CLYBL: variants seen among roughly 807,000 people sequenced by gnomAD.
CLYBL encodes citramalyl-CoA lyase, mitochondrial.
Under a neutral mutation model 38.9 loss-of-function variants are expected in CLYBL, and 31 were observed. That is an observed-to-expected ratio of 0.80 (90% CI 0.60 to 1.08). The LOEUF (loss-of-function observed/expected upper bound fraction) is 1.08. Among genes scored for constraint, CLYBL ranks in the 50% least tolerant of loss-of-function variants. CLYBL has a pLI of 0.00. For missense variants in CLYBL, 434 were observed against 411.6 expected, an observed-to-expected ratio of 1.05 and a Z score of -0.47; for synonymous variants, 171 against 158.6, an observed-to-expected ratio of 1.08 and a Z score of -0.59.
At chr13:99,825,987 T>C (rs2050687998) in intron 2 of CLYBL, among the ~76,000 whole-genome samples, 1 of 152,176 alleles carries the variant, frequency 6.6e-6, no homozygotes, top group African/African-American at 2.4e-5. Flanking sequence ...GTAACTCACA[T>C]GGTAGGCAGT....
At chr13:99,766,345 C>T (rs543534478) in intron 1 of CLYBL, among the ~76,000 whole-genome samples, 170 of 152,232 alleles carry the variant, frequency 1.1e-3, no homozygotes, top group African/African-American at 3.9e-3. Context: ...CATATTTCTC[C>T]ATTCTAAGAT....
At chr13:99,895,575 C>T (rs962657889), downstream of CLYBL, 1 of 152,210 alleles carries the variant, frequency 6.6e-6, no homozygotes, top group Admixed American at 6.5e-5. Context: ...AGCGCGGTCC[C>T]CACGGAGGAT....
At chr13:99,740,580 C>T (rs181117867) in intron 1 of CLYBL, among the ~76,000 whole-genome samples, 71 of 152,300 alleles carry the variant, frequency 4.7e-4, no homozygotes, top group African/African-American at 1.6e-3. Context: ...CATATGCATT[C>T]AGGAGAAGGT....
intron 1 of CLYBL, among the ~76,000 whole-genome samples, chr13:99,693,451 A>AT (rs147566617): frequency 0.018 from 2,711 of 152,168 alleles, 72 homozygotes; most frequent in African/African-American, 0.061. Context: ...GCAGCTCGGT[A>AT]TTATCCATCA....
intron 1 of CLYBL, chr13:99,726,472 G>A (rs1348719658): frequency 6.6e-6 from 1 of 152,136 alleles, no homozygotes; most frequent in Admixed American, 6.6e-5. Context: ...TTCTTGGAAT[G>A]CTAACTGAAA....
downstream of CLYBL, among the ~76,000 whole-genome samples, chr13:99,899,361 C>T (rs909116986): frequency 3.9e-5 from 6 of 152,354 alleles, no homozygotes; most frequent in South Asian, 8.3e-4. Context: ...TCACACTAAT[C>T]CTGAATTCTC....
intron 7 of CLYBL, among the ~76,000 whole-genome samples, chr13:99,888,456 A>G (rs912889686): frequency 2.6e-5 from 4 of 152,126 alleles, no homozygotes; most frequent in African/African-American, 9.7e-5. Context: ...GTGTTAAAAA[A>G]TTTAACCATG....
rs2050594403 is a variant in CLYBL at position 99,821,856 on chromosome 13, C to T, written c.250-37005C>T. 2.0e-5 allele frequency among the ~76,000 whole-genome samples: 3 copies of T among 152,224 alleles called. No homozygotes were observed. The South Asian group carries it at 6.2e-4, about 31-fold the overall frequency. ...ACCCAGAGTATAACCAGGAAAATGT[C>T]TGTGGTAGACCCCAGTGATTCATGC... On this transcript the variant is annotated intron_variant, in intron 2 of 8. Coordinates refer to ENST00000339105, the MANE Select transcript of CLYBL (RefSeq NM_206808.5).
At chr13:99,703,751 C>T (rs2048106442) in intron 1 of CLYBL, among the ~76,000 whole-genome samples, 1 of 152,070 alleles carries the variant, frequency 6.6e-6, no homozygotes, top group African/African-American at 2.4e-5. Context: ...TTAAACAATG[C>T]ATTTGTTTGT....
At chr13:99,859,586 A>T (rs1334222224) in intron 3 of CLYBL, among the ~76,000 whole-genome samples, 2 of 152,236 alleles carry the variant, frequency 1.3e-5, no homozygotes, top group Admixed American at 1.3e-4. Context: ...ATTAGCACTG[A>T]TATTATTTCC....
At position 99,892,513 on chromosome 13, in the gene CLYBL, C is replaced by T. The variant is rs2052513666; in HGVS notation, c.*95C>T. 1 of 152,594 alleles carries T rather than the reference C, an allele frequency of 6.6e-6. No individual in the cohort carries two copies. Among genetic ancestry groups the T allele is most frequent in the Non-Finnish European group, 1.5e-5 (1 of 68,040 alleles). The allele number at this position is 152,594 out of a possible 1,614,324, so 9.5% of individuals were successfully genotyped here. ...GAGGACGCCAATGAAGTTTGAAACACCAACAATCAGAGATTTTGTTTCTGT... is the reference window on the plus strand; with the variant it reads ...GAGGACGCCAATGAAGTTTGAAACATCAACAATCAGAGATTTTGTTTCTGT... On this transcript the variant is annotated 3_prime_UTR_variant, in exon 9 of 9. Transcript: ENST00000339105.
chr13:99,710,644 CCTT>C (rs770314034), intron 1 of CLYBL, among the ~76,000 whole-genome samples: 10 of 152,150 alleles, frequency 6.6e-5, no homozygotes, highest in African/African-American at 1.4e-4. Context: ...TGAGAGGTGT[CCTT>C]CTTCTCCGGT....
intron 1 of CLYBL, among the ~76,000 whole-genome samples, chr13:99,680,938 A>T (rs939736130): frequency 6.6e-6 from 1 of 152,072 alleles, no homozygotes; most frequent in Non-Finnish European, 1.5e-5. Flanking sequence ...CTATCCACAC[A>T]CTCTTTCCTA....
At chr13:99,622,680 A>G (rs1390408211) in intron 1 of CLYBL, among the ~76,000 whole-genome samples, 1 of 152,180 alleles carries the variant, frequency 6.6e-6, no homozygotes, top group Non-Finnish European at 1.5e-5. Context: ...AACTCTATCC[A>G]TTGAGCGGCC....
intron 6 of CLYBL, among the ~76,000 whole-genome samples, chr13:99,866,794 A>G (rs1237740638): frequency 6.6e-6 from 1 of 152,092 alleles, no homozygotes; most frequent in African/African-American, 2.4e-5. Flanking sequence ...TCCAAAATTT[A>G]ATTCATTTCT....
At chr13:99,821,166 A>G (rs1332382203) in intron 2 of CLYBL, among the ~76,000 whole-genome samples, 1 of 152,204 alleles carries the variant, frequency 6.6e-6, no homozygotes, top group African/African-American at 2.4e-5. Flanking sequence ...GGAACACAGT[A>G]ATCTTGGTCC....
At chr13:99,726,530 G>C (rs1415872408) in intron 1 of CLYBL, 1 of 152,202 alleles carries the variant, frequency 6.6e-6, no homozygotes, top group African/African-American at 2.4e-5. Context: ...AGAGATCCAT[G>C]GGGGCAGAGT....
At chr13:99,777,954 G>T (rs750268364) in intron 2 of CLYBL, among the ~76,000 whole-genome samples, 19 of 152,212 alleles carry the variant, frequency 1.2e-4, no homozygotes, top group Non-Finnish European at 2.6e-4. Flanking sequence ...CCAGGAACCA[G>T]CCTCCAGCTC....
intron 2 of CLYBL, among the ~76,000 whole-genome samples, chr13:99,854,152 G>T (rs1479644143): frequency 6.6e-6 from 1 of 152,020 alleles, no homozygotes; most frequent in East Asian, 1.9e-4. Context: ...ACCAAATCTT[G>T]GGTCGCACAT....
Sources: allele counts gnomAD v4.1 joint callset (sites outside exome capture counted in the v4.1 genomes callset), GRCh38; gene constraint gnomAD v4.1.1; transcripts MANE v1.5; gene names NCBI Gene and HGNC (gene_info 2026-07-23, HGNC 2026-07-21).